GTF2F2: variants seen among roughly 807,000 people sequenced by gnomAD.
GTF2F2 encodes general transcription factor IIF subunit 2.
A neutral mutation model predicts 42.2 loss-of-function variants in GTF2F2; 23 were observed. The observed-to-expected ratio is 0.55, with a 90% CI of 0.39 to 0.77. The LOEUF (loss-of-function observed/expected upper bound fraction) is 0.77, where lower values mean the gene tolerates loss of function less well. Among genes scored for constraint, GTF2F2 ranks in the 30% least tolerant of loss-of-function variants. The pLI, the probability that GTF2F2 is intolerant of heterozygous loss-of-function variation, is 0.00. For missense variants in GTF2F2, 261 were observed against 287.2 expected, an observed-to-expected ratio of 0.91 and a Z score of 0.66; for synonymous variants, 105 against 100.8, an observed-to-expected ratio of 1.04 and a Z score of -0.25.
At chr13:45,168,388 A>T (rs1024613296) in intron 4 of GTF2F2, among the ~76,000 whole-genome samples, 5 of 152,102 alleles carry the variant, frequency 3.3e-5, no homozygotes, top group African/African-American at 1.2e-4. Context: ...TTTAACACTC[A>T]CTTTGGGAGT....
At chr13:45,210,283 A>G (rs1307871084) in intron 5 of GTF2F2, among the ~76,000 whole-genome samples, 1 of 152,006 alleles carries the variant, frequency 6.6e-6, no homozygotes, top group Non-Finnish European at 1.5e-5. Context: ...ATTCTGCTCC[A>G]ACCACACCTG....
chr13:45,278,266 A>G (rs1877114044), intron 7 of GTF2F2, among the ~76,000 whole-genome samples: 1 of 152,186 alleles, frequency 6.6e-6, no homozygotes, highest in Non-Finnish European at 1.5e-5. Flanking sequence ...CTTTTTGCCC[A>G]CCGCAGTTTT....
At chr13:45,228,829 C>T (rs764786452) in intron 5 of GTF2F2, among the ~76,000 whole-genome samples, 4 of 152,070 alleles carry the variant, frequency 2.6e-5, no homozygotes, top group African/African-American at 9.7e-5. Context: ...CGCCACCACG[C>T]CCAGCTAATT....
chr13:45,252,954 C>T lies in GTF2F2; in HGVS notation c.470C>T (p.Ala157Val), dbSNP rs768763263. Reference sequence around the variant, plus strand: ...GTAACAACCAATTACAAACCTGTTGCTAATCATCAATACAATGTAAGTCTT... The same window carrying T: ...GTAACAACCAATTACAAACCTGTTGTTAATCATCAATACAATGTAAGTCTT... ...KVVTTNYKPV[A>V]NHQYNIEYER... is the part of the protein sequence containing the mutation. Residue 157 changes from alanine to valine, a missense_variant, in exon 6 of 8, where the codon GCT (alanine) becomes GTT (valine). Physicochemically the swap from Ala to Val is moderately conservative, Grantham distance 64 (BLOSUM62 0). Coordinates refer to ENST00000340473, the MANE Select transcript of GTF2F2 (RefSeq NM_004128.3). 1 of 1,396,912 alleles carries T rather than the reference C, an allele frequency of 7.2e-7. No homozygotes were observed. The highest frequency in any genetic ancestry group is 9.7e-7 in the Non-Finnish European group (1 of 1,035,916). The allele number at this position is 1,396,912 out of a possible 1,614,324, so 86.5% of individuals were successfully genotyped here.
intron 4 of GTF2F2, among the ~76,000 whole-genome samples, chr13:45,158,775 A>G (rs1010773475): frequency 2.6e-5 from 4 of 152,222 alleles, no homozygotes; most frequent in Non-Finnish European, 5.9e-5. Context: ...AGCATTGAGC[A>G]CATCTGTGGC....
intron 4 of GTF2F2, among the ~76,000 whole-genome samples, chr13:45,168,931 CTTCCCTCCTTCCTTCT>C (rs1871454853): frequency 7.3e-6 from 1 of 136,984 alleles, no homozygotes; most frequent in African/African-American, 2.7e-5. Flanking sequence ...TCCCTCCCTC[CTTCCCTCCTTCCTTCT>C]TTCCCTCTTT....
chr13:45,226,032 A>G (rs1219683135), intron 5 of GTF2F2, among the ~76,000 whole-genome samples: 2 of 151,572 alleles, frequency 1.3e-5, no homozygotes, highest in Non-Finnish European at 2.9e-5. Flanking sequence ...GGGCTGTGAT[A>G]GTAAAATAAA....
intron 7 of GTF2F2, among the ~76,000 whole-genome samples, chr13:45,278,816 C>CTTTTTCTTTTTTTTTTTT: frequency 1.6e-5 from 1 of 62,302 alleles, no homozygotes; most frequent in Non-Finnish European, 2.9e-5. Flanking sequence ...TTTTCTTTTT[C>CTTTTTCTTTTTTTTTTTT]TTTTTTTTTT....
At chr13:45,268,783 A>T (rs1876671557) in intron 7 of GTF2F2, among the ~76,000 whole-genome samples, 1 of 152,192 alleles carries the variant, frequency 6.6e-6, no homozygotes, top group Non-Finnish European at 1.5e-5. Flanking sequence ...GAAAATAATC[A>T]CTTGTAGAGG....
rs144735908 is a variant in GTF2F2 at position 45,175,587 on chromosome 13, C to T, written c.304+23756C>T. 4.1e-3 allele frequency among the ~76,000 whole-genome samples: 618 copies of T among 152,216 alleles called. 8 individuals carry two copies. The highest frequency in any genetic ancestry group is 0.014 in the African/African-American group (595 of 41,546). Reference sequence around the variant, plus strand: ...GTATCTGTATCCAAATATGTGTGTACTCTTCAGTTCTCTTCCTTCTTGGAT... The same window carrying T: ...GTATCTGTATCCAAATATGTGTGTATTCTTCAGTTCTCTTCCTTCTTGGAT... On this transcript the variant is annotated intron_variant, in intron 4 of 7. Coordinates refer to ENST00000340473, the MANE Select transcript of GTF2F2 (RefSeq NM_004128.3).
At chr13:45,238,104 C>G (rs1286178550) in intron 5 of GTF2F2, among the ~76,000 whole-genome samples, 1 of 152,156 alleles carries the variant, frequency 6.6e-6, no homozygotes, top group Non-Finnish European at 1.5e-5. Context: ...CAGGTGCACA[C>G]CGCTGCACTC....
chr13:45,184,370 T>C (rs1289035895), intron 4 of GTF2F2, among the ~76,000 whole-genome samples: 1 of 151,636 alleles, frequency 6.6e-6, no homozygotes, highest in Non-Finnish European at 1.5e-5. Context: ...ATTGGTGAAG[T>C]CTTTTTTAAC....
rs531882157 is a variant in GTF2F2 at position 45,179,960 on chromosome 13, G to A, written c.305-27464G>A. ...GTTTCTTTTAAGTTGGGAGGTGGGG[G>A]TGTAGATGTGGGTGAAGAATTAAAG... On this transcript the variant is annotated intron_variant, in intron 4 of 7. Transcript: ENST00000340473. 7.9e-5 allele frequency among the ~76,000 whole-genome samples: 12 copies of A among 152,210 alleles called. 1 individual carries two copies. The South Asian group carries it at 1.5e-3, about 18-fold the overall frequency.
At chr13:45,148,621 G>T (rs1566114346) in intron 2 of GTF2F2, among the ~76,000 whole-genome samples, 1 of 152,108 alleles carries the variant, frequency 6.6e-6, no homozygotes, top group Non-Finnish European at 1.5e-5. Context: ...CTGGTGCATT[G>T]TGGCTCCCTT....
At chr13:45,233,147 G>A (rs1221983397) in intron 5 of GTF2F2, among the ~76,000 whole-genome samples, 1 of 152,208 alleles carries the variant, frequency 6.6e-6, no homozygotes, top group Non-Finnish European at 1.5e-5. Context: ...AGCTACTGGG[G>A]ATGCCGAGGC....
chr13:45,201,172 C>G (rs1873161899), intron 4 of GTF2F2, among the ~76,000 whole-genome samples: 1 of 152,142 alleles, frequency 6.6e-6, no homozygotes, highest in Non-Finnish European at 1.5e-5. Flanking sequence ...ATGCCCTTAA[C>G]TTTTTAAAAA....
At chr13:45,262,312 T>G (rs1248040271) in intron 6 of GTF2F2, among the ~76,000 whole-genome samples, 2 of 152,176 alleles carry the variant, frequency 1.3e-5, no homozygotes, top group African/African-American at 4.8e-5. Flanking sequence ...AGGTTGAGAC[T>G]GCGATGAGCT....
intron 4 of GTF2F2, among the ~76,000 whole-genome samples, chr13:45,174,512 A>G (rs752918922): frequency 2.0e-5 from 3 of 151,678 alleles, no homozygotes; most frequent in Non-Finnish European, 4.4e-5. Flanking sequence ...TAATTTTAGC[A>G]TTTAAGCCTT....
intron 4 of GTF2F2, chr13:45,194,478 G>T: frequency 6.2e-7 from 1 of 1,614,070 alleles, no homozygotes; most frequent in Non-Finnish European, 8.5e-7. Context: ...GTGTGGATTT[G>T]CAGTTCTTTC....
Sources: allele counts gnomAD v4.1 joint callset (sites outside exome capture counted in the v4.1 genomes callset), GRCh38; gene constraint gnomAD v4.1.1; transcripts MANE v1.5; gene names NCBI Gene and HGNC (gene_info 2026-07-23, HGNC 2026-07-21).